The following TIAM1 variants were observed in gnomAD, a reference collection of about 807,000 sequenced individuals.
The protein encoded by TIAM1 is TIAM Rac1 associated GEF 1.
A neutral mutation model predicts 163.5 loss-of-function variants in TIAM1; 65 were observed. That is an observed-to-expected ratio of 0.40 (90% CI 0.33 to 0.49). The LOEUF is 0.49. Among genes scored for constraint, TIAM1 ranks in the 20% least tolerant of loss-of-function variants. The pLI, the probability that TIAM1 is intolerant of heterozygous loss-of-function variation, is 0.77. For synonymous variants in TIAM1, 833 were observed against 810.1 expected, an observed-to-expected ratio of 1.03 and a Z score of -0.48; for missense variants, 1,789 against 2,044.7, an observed-to-expected ratio of 0.87 and a Z score of 2.41.
intron 2 of TIAM1, among the ~76,000 whole-genome samples, chr21:31,360,383 TCTAATGTCCTTGTATTATCTAGGAAGG>T (rs2076388827): frequency 6.6e-6 from 1 of 151,996 alleles, no homozygotes; most frequent in South Asian, 2.1e-4. Flanking sequence ...GTTAATATAC[TCTAATGTCCTTGTATTATCTAGGAAGG>T]CTAATGTCCT....
intron 1 of TIAM1, among the ~76,000 whole-genome samples, chr21:31,555,552 A>T (rs1220238408): frequency 6.6e-6 from 1 of 151,980 alleles, no homozygotes; most frequent in Non-Finnish European, 1.5e-5. Context: ...CTTTCATGAG[A>T]ATCTGTAACC....
At chr21:31,309,794 C>T (rs1278880342) in intron 2 of TIAM1, among the ~76,000 whole-genome samples, 1 of 152,162 alleles carries the variant, frequency 6.6e-6, no homozygotes, top group Admixed American at 6.5e-5. Context: ...AACTAAAATC[C>T]ATCATGCGTG....
intron 1 of TIAM1, among the ~76,000 whole-genome samples, chr21:31,516,187 A>T (rs1361720148): frequency 6.6e-6 from 1 of 150,972 alleles, no homozygotes; most frequent in Non-Finnish European, 1.5e-5. Context: ...CAAGGCAGGC[A>T]GATCACCTGA....
intron 2 of TIAM1, among the ~76,000 whole-genome samples, chr21:31,280,888 G>C (rs907359060): frequency 6.6e-6 from 1 of 151,812 alleles, no homozygotes; most frequent in African/African-American, 2.4e-5. Context: ...GTTGAGGTGG[G>C]AGGATGGCTT....
At chr21:31,129,432 A>T (rs1189753211) in intron 25 of TIAM1, among the ~76,000 whole-genome samples, 1 of 152,250 alleles carries the variant, frequency 6.6e-6, no homozygotes, top group Non-Finnish European at 1.5e-5. Context: ...TAATCCCAAC[A>T]CTTTGGGAGG....
intron 8 of TIAM1, among the ~76,000 whole-genome samples, chr21:31,219,024 C>CTTTTTTTTT (rs35555743): frequency 1.1e-5 from 1 of 88,490 alleles, no homozygotes; most frequent in Non-Finnish European, 2.3e-5. Flanking sequence ...GAAGCATTTC[C>CTTTTTTTTT]TTTTTTTTTT....
Position 31,217,549 on chromosome 21 carries a change from C to T in TIAM1, c.2142+4G>A, listed in dbSNP as rs2087289911. On this transcript the variant is annotated splice_donor_region_variant and intron_variant, in intron 9 of 27. Coordinates refer to ENST00000541036, the MANE Select transcript of TIAM1 (RefSeq NM_001353694.2). Reference sequence around the variant, plus strand: ...GCTCACTTTTCATCTGCTCTGGAACCTACCTGATTGATGCTTGGCCGTCCC... The same window carrying T: ...GCTCACTTTTCATCTGCTCTGGAACTTACCTGATTGATGCTTGGCCGTCCC... 5 of 1,613,590 alleles carry T rather than the reference C, an allele frequency of 3.1e-6. No homozygotes were observed. Among genetic ancestry groups the T allele is most frequent in the Non-Finnish European group, 2.5e-6 (3 of 1,179,782 alleles).
chr21:31,433,850 T>A (rs1242145256), intron 2 of TIAM1, among the ~76,000 whole-genome samples: 4 of 151,888 alleles, frequency 2.6e-5, no homozygotes, highest in Admixed American at 2.6e-4. Context: ...CAGGCTGGAG[T>A]GCAGTGGTTT....
At position 31,469,764 on chromosome 21, in the gene TIAM1, A is replaced by G. The variant is rs935887237; in HGVS notation, c.-421-5729T>C. ...GAAGAATGGTGTGAACCCGGGAGGC[A>G]GAGCTTGCAGTGAGCCAAGATCGCG... is the stretch of plus-strand genomic sequence containing the variant. On this transcript the variant is annotated intron_variant, in intron 1 of 28. Coordinates refer to the TIAM1 transcript ENST00000286827. 4.6e-5 allele frequency among the ~76,000 whole-genome samples: 7 copies of G among 152,038 alleles called. No individual in the cohort carries two copies. In the East Asian group the frequency reaches 9.9e-4, roughly 22 times the overall value.
intron 2 of TIAM1, among the ~76,000 whole-genome samples, chr21:31,389,698 T>C (rs570149953): frequency 2.6e-5 from 4 of 152,252 alleles, no homozygotes; most frequent in Non-Finnish European, 5.9e-5. Flanking sequence ...TACTACCATT[T>C]AATCTCTTAT....
intron 1 of TIAM1, among the ~76,000 whole-genome samples, chr21:31,502,386 C>T (rs1295528311): frequency 6.6e-6 from 1 of 152,160 alleles, no homozygotes; most frequent in Non-Finnish European, 1.5e-5. Flanking sequence ...ATTATCCCGG[C>T]CTCAGCCTCC....
intron 1 of TIAM1, among the ~76,000 whole-genome samples, chr21:31,534,785 T>C (rs970030758): frequency 2.2e-4 from 34 of 152,262 alleles, no homozygotes; most frequent in African/African-American, 7.0e-4. Flanking sequence ...AGAGTAATCA[T>C]TGTGAGCATT....
chr21:31,142,463 CA>C (rs34368848), intron 20 of TIAM1, among the ~76,000 whole-genome samples: 16,652 of 50,062 alleles, frequency 0.33, 1,234 homozygotes, highest in Middle Eastern at 0.44. Flanking sequence ...ACTAAAAATA[CA>C]AAAAAAAAAA....
chr21:31,386,217 C>T (rs1434456752), intron 2 of TIAM1, among the ~76,000 whole-genome samples: 3 of 152,048 alleles, frequency 2.0e-5, no homozygotes, highest in African/African-American at 7.2e-5. Context: ...GGGCCCGCAG[C>T]CCTGGCACGG....
intron 2 of TIAM1, among the ~76,000 whole-genome samples, chr21:31,399,903 C>A (rs184555326): frequency 1.3e-5 from 2 of 152,086 alleles, no homozygotes; most frequent in African/African-American, 4.8e-5. Context: ...GGAAAACAGA[C>A]CTTTTTCAGA....
At chr21:31,273,596 C>A (rs1255565739) in intron 3 of TIAM1, among the ~76,000 whole-genome samples, 2 of 152,320 alleles carry the variant, frequency 1.3e-5, no homozygotes, top group African/African-American at 4.8e-5. Flanking sequence ...TGAACCAAGT[C>A]AGGTTGACTG....
intron 1 of TIAM1, among the ~76,000 whole-genome samples, chr21:31,532,666 C>T (rs999453038): frequency 2.6e-5 from 4 of 152,184 alleles, no homozygotes; most frequent in Non-Finnish European, 5.9e-5. Flanking sequence ...TTTTTAATCT[C>T]CCCGCACTCT....
chr21:31,542,923 G>C (rs1222381695), intron 1 of TIAM1, among the ~76,000 whole-genome samples: 3 of 152,070 alleles, frequency 2.0e-5, no homozygotes, highest in Non-Finnish European at 2.9e-5. Flanking sequence ...AGCCGAGACT[G>C]CGCCACGGAA....
intron 1 of TIAM1, among the ~76,000 whole-genome samples, chr21:31,536,331 CT>C (rs1436532099): frequency 6.6e-6 from 1 of 152,214 alleles, no homozygotes; most frequent in Non-Finnish European, 1.5e-5. Context: ...CCCCTATGGT[CT>C]GTGAGATGAC....
Sources: allele counts gnomAD v4.1 joint callset (sites outside exome capture counted in the v4.1 genomes callset), GRCh38; gene constraint gnomAD v4.1.1; transcripts MANE v1.5; gene names NCBI Gene and HGNC (gene_info 2026-07-23, HGNC 2026-07-21).